Variants in GALNT17 observed in about 807,000 individuals in gnomAD.
The protein encoded by GALNT17 is UDP-GalNAc:polypeptide N-acetylgalactosaminyltransferase-like 3.
GALNT17 carries 29 observed loss-of-function variants against 63.7 expected under a neutral mutation model. The ratio of observed to expected loss-of-function variants is 0.46; its 90% CI spans 0.34 to 0.62. The LOEUF is 0.62. Among genes scored for constraint, GALNT17 ranks in the 20% least tolerant of loss-of-function variants. GALNT17 has a pLI of 0.01. For synonymous variants in GALNT17, 305 were observed against 318.3 expected (o/e 0.96, Z 0.45); for missense variants, 603 against 799.6 (o/e 0.75, Z 2.97).
chr7:71,509,803 T>G (rs1788325154), intron 5 of GALNT17, among the ~76,000 whole-genome samples: 1 of 152,180 alleles, frequency 6.6e-6, no homozygotes, highest in Non-Finnish European at 1.5e-5. Context: ...GGGTTCAACC[T>G]GCCGGAGATC....
intron 2 of GALNT17, among the ~76,000 whole-genome samples, chr7:71,359,388 C>T (rs1196057909): frequency 2.6e-5 from 4 of 151,970 alleles, no homozygotes; most frequent in Non-Finnish European, 4.4e-5. Flanking sequence ...CTCTTTTCAA[C>T]AATTAGCTCC....
chr7:71,444,710 C>G (rs553634692), intron 5 of GALNT17, among the ~76,000 whole-genome samples: 13 of 152,196 alleles, frequency 8.5e-5, no homozygotes, highest in Non-Finnish European at 1.5e-5. Flanking sequence ...GCCTGTAATC[C>G]CAGCTACTCA....
intron 5 of GALNT17, among the ~76,000 whole-genome samples, chr7:71,564,591 G>A (rs1789309293): frequency 9.2e-6 from 1 of 109,262 alleles, no homozygotes; most frequent in Admixed American, 8.9e-5. Context: ...CAGCCAGTTA[G>A]GACAATTTTC....
chr7:71,649,880 C>A (rs543002286), intron 6 of GALNT17, among the ~76,000 whole-genome samples: 56 of 152,348 alleles, frequency 3.7e-4, no homozygotes, highest in African/African-American at 1.3e-3. Context: ...CTCCTTCTGG[C>A]ATCTCCTGAG....
At chr7:71,219,666 TC>T (rs1789548152) in intron 1 of GALNT17, among the ~76,000 whole-genome samples, 1 of 152,312 alleles carries the variant, frequency 6.6e-6, no homozygotes, top group African/African-American at 2.4e-5. Context: ...TATCTTTCCC[TC>T]GATTCTCTGA....
chr7:71,617,979 A>G (rs1351301076), intron 6 of GALNT17, among the ~76,000 whole-genome samples: 1 of 151,260 alleles, frequency 6.6e-6, no homozygotes, highest in Admixed American at 6.6e-5. Flanking sequence ...CCCCCTGCAA[A>G]CCCTCTAGTA....
intron 5 of GALNT17, among the ~76,000 whole-genome samples, chr7:71,477,027 G>A (rs1027210336): frequency 6.6e-6 from 1 of 152,194 alleles, no homozygotes; most frequent in Admixed American, 6.5e-5. Flanking sequence ...TGCAATGGGT[G>A]TTGGTGCAAG....
chr7:71,228,196 C>A (rs1188495748), intron 1 of GALNT17, among the ~76,000 whole-genome samples: 2 of 152,044 alleles, frequency 1.3e-5, no homozygotes, highest in African/African-American at 4.8e-5. Flanking sequence ...CTAAACAGCC[C>A]CTGATGTCCC....
At chr7:71,620,900 T>A (rs895548540) in intron 6 of GALNT17, among the ~76,000 whole-genome samples, 1 of 152,180 alleles carries the variant, frequency 6.6e-6, no homozygotes, top group Non-Finnish European at 1.5e-5. Flanking sequence ...TGATTCTCAA[T>A]TCACATTGGC....
intron 5 of GALNT17, among the ~76,000 whole-genome samples, chr7:71,521,464 C>T (rs1008188920): frequency 7.2e-5 from 11 of 152,182 alleles, no homozygotes; most frequent in Non-Finnish European, 1.2e-4. Context: ...CCTGGAGACA[C>T]GTCTTTGTAT....
chr7:71,353,456 A>G (rs886922152), intron 2 of GALNT17, among the ~76,000 whole-genome samples: 3 of 152,206 alleles, frequency 2.0e-5, no homozygotes, highest in Non-Finnish European at 4.4e-5. Context: ...AAAGTCCTAG[A>G]TCATGTATTA....
intron 6 of GALNT17, among the ~76,000 whole-genome samples, chr7:71,642,207 T>C (rs1367977433): frequency 1.3e-5 from 2 of 152,138 alleles, no homozygotes; most frequent in Non-Finnish European, 1.5e-5. Flanking sequence ...ATCCTTCCCT[T>C]ACAGCAGGCC....
chr7:71,133,086 G>A (rs376660432), intron 1 of GALNT17, 46 bp downstream of exon 1: 1 of 1,458,082 alleles, frequency 6.9e-7, no homozygotes, highest in South Asian at 1.4e-5. Flanking sequence ...CGGGCGGGCC[G>A]GGCACAGGGT....
At chr7:71,711,046 C>T (rs1791784940) in intron 10 of GALNT17, 118 bp downstream of exon 10, 8 of 1,369,570 alleles carry the variant, frequency 5.8e-6, no homozygotes, top group Admixed American at 2.4e-5. Context: ...ACCCAGGTCT[C>T]CCTGCCCCGG....
chr7:71,400,739 T>TA (rs1446307289), intron 3 of GALNT17, among the ~76,000 whole-genome samples: 3 of 152,240 alleles, frequency 2.0e-5, no homozygotes, highest in South Asian at 2.1e-4. Context: ...TCACTGTTTT[T>TA]ATCTGCTGAA....
intron 5 of GALNT17, among the ~76,000 whole-genome samples, chr7:71,507,266 G>A (rs149413011): frequency 5.9e-4 from 90 of 152,138 alleles, no homozygotes; most frequent in African/African-American, 2.1e-3. Flanking sequence ...AAAATAAAAG[G>A]CACATTCAAC....
chr7:71,455,506 GTT>G (rs59094741), intron 5 of GALNT17, among the ~76,000 whole-genome samples: 15 of 146,944 alleles, frequency 1.0e-4, no homozygotes, highest in Admixed American at 2.7e-4. Flanking sequence ...TTTTGTTTTT[GTT>G]TTTTTTTTTG....
intron 1 of GALNT17, among the ~76,000 whole-genome samples, chr7:71,305,474 G>A (rs1023801935): frequency 1.1e-4 from 16 of 152,192 alleles, no homozygotes; most frequent in Non-Finnish European, 1.5e-5. Context: ...TTCAGTCCCG[G>A]AAATTCAGAG....
chr7:71,237,087 G>C (rs918980287), intron 1 of GALNT17, among the ~76,000 whole-genome samples: 2 of 152,140 alleles, frequency 1.3e-5, no homozygotes, highest in African/African-American at 4.8e-5. Context: ...TCCAGAGAGT[G>C]GGAGGTAGGG....
Sources: gnomAD v4.1 joint callset for allele counts (sites outside exome capture counted in the v4.1 genomes callset) on GRCh38, gnomAD v4.1.1 for gene constraint, MANE v1.5 for transcripts, NCBI Gene and HGNC (gene_info 2026-07-23, HGNC 2026-07-21) for gene names.